GINS1: variants seen among roughly 807,000 people sequenced by gnomAD.
GINS1 encodes DNA replication complex GINS protein PSF1.
Under a neutral mutation model 34.9 loss-of-function variants are expected in GINS1, and 26 were observed. The observed-to-expected ratio is 0.74, with a 90% CI of 0.55 to 1.03. The LOEUF is 1.03. Ranked by LOEUF, GINS1 falls within the 50% of genes least tolerant of loss-of-function variation. GINS1 has a pLI of 0.00. For missense variants in GINS1, 235 were observed against 237.9 expected (o/e 0.99, Z 0.08); for synonymous variants, 97 against 84.4 (o/e 1.15, Z -0.82).
intron 2 of GINS1, 75 bp downstream of exon 2, chr20:25,413,929 C>A (rs1299561327): frequency 2.4e-6 from 2 of 838,868 alleles, no homozygotes; most frequent in Non-Finnish European, 4.1e-6. Flanking sequence ...CGGTGGCTCA[C>A]GCCTGTAATC....
rs2090514582 is a variant in GINS1 at position 25,446,729 on chromosome 20, T to G, written c.*738T>G. ...GGGGTGATCACCAGTATCACCACTT[T>G]GGAAGGGGACAGTGAAATTGGGGCT... On this transcript the variant is annotated 3_prime_UTR_variant, in exon 7 of 7. Coordinates refer to ENST00000262460, the MANE Select transcript of GINS1 (RefSeq NM_021067.5). The G allele has an allele frequency of 6.6e-6, 1 of 152,236 alleles. No homozygotes were observed. The highest frequency in any genetic ancestry group is 6.5e-5 in the Admixed American group (1 of 15,282). 9.4% of individuals were successfully genotyped at this position (152,236 alleles called of 1,614,324 possible). A position where few individuals can be genotyped will look rare whatever the true frequency, so the allele number is the denominator to read the frequency against.
intron 2 of GINS1, among the ~76,000 whole-genome samples, chr20:25,415,050 A>T (rs369675207): frequency 6.6e-6 from 1 of 152,238 alleles, no homozygotes; most frequent in Non-Finnish European, 1.5e-5. Context: ...TGAAGTATTC[A>T]GGGTCTCAAC....
chr20:25,420,808 A>C, intron 4 of GINS1: 1 of 937,904 alleles, frequency 1.1e-6, no homozygotes, highest in Non-Finnish European at 1.3e-6. Flanking sequence ...AAAAAAAGAA[A>C]AAGAATAAAA....
At chr20:25,413,070 T>TC (rs1360351334) in intron 1 of GINS1, among the ~76,000 whole-genome samples, 1 of 152,118 alleles carries the variant, frequency 6.6e-6, no homozygotes. Flanking sequence ...TTTTTTTTTT[T>TC]TTCTTTGAGA....
chr20:25,413,735 G>A (rs2090302005), intron 1 of GINS1, 55 bp from the exon 2 acceptor site: 13 of 978,996 alleles, frequency 1.3e-5, no homozygotes, highest in Non-Finnish European at 2.2e-5. Context: ...ATAGCATATT[G>A]CCACAGAATT....
intron 6 of GINS1, among the ~76,000 whole-genome samples, chr20:25,444,072 C>T (rs6132833): frequency 4.0e-5 from 6 of 151,166 alleles, no homozygotes; most frequent in Non-Finnish European, 8.8e-5. Flanking sequence ...AGTGCAGTGG[C>T]GTGATCTTGG....
In GINS1 at chr20:25,416,059, G is replaced by A. The variant is rs2090318665; in HGVS notation, c.141-1045G>A. Among the ~76,000 whole-genome samples the A allele has an allele frequency of 2.0e-5, 3 of 152,306 alleles. No homozygotes were observed. The South Asian group carries it at 6.2e-4, about 32-fold the overall frequency. On this transcript the variant is annotated intron_variant, in intron 2 of 6. Coordinates refer to ENST00000262460, the MANE Select transcript of GINS1 (RefSeq NM_021067.5). ...GGCTGGAGTTTGGCAAGTGGCAAAG[G>A]ATGACACCAGATGAGGTGTAAGTGT... is the stretch of plus-strand genomic sequence containing the variant.
rs987786972 is a variant in GINS1, at chr20:25,421,138, C to T, written c.330+2943C>T. 2.4e-5 allele frequency: 4 copies of T among 163,456 alleles called. No homozygotes were observed. In the Admixed American group the frequency reaches 2.6e-4, roughly 11 times the overall value. The allele number at this position is 163,456 out of a possible 1,614,324, so 10.1% of individuals were successfully genotyped here. A position where few individuals can be genotyped will look rare whatever the true frequency, so the allele number is the denominator to read the frequency against. ...GATCCCTGCCTTGTTAACTCTGAGC[C>T]CTTTGGTAAATTATCTAATCTCTCA... On this transcript the variant is annotated intron_variant, in intron 4 of 6. Transcript: ENST00000262460.
At chr20:25,422,448 A>G (rs566073872) in intron 4 of GINS1, among the ~76,000 whole-genome samples, 1 of 151,976 alleles carries the variant, frequency 6.6e-6, no homozygotes, top group East Asian at 1.9e-4. Flanking sequence ...AAACTTAGCT[A>G]AGTGTGGTGG....
chr20:25,428,733 C>T (rs1465361462), intron 5 of GINS1, among the ~76,000 whole-genome samples: 1 of 151,934 alleles, frequency 6.6e-6, no homozygotes, highest in Non-Finnish European at 1.5e-5. Context: ...TAAGACTGCC[C>T]TTTCCCCATT....
intron 1 of GINS1, chr20:25,411,415 C>T (rs562232044): frequency 6.6e-6 from 1 of 152,216 alleles, no homozygotes; most frequent in East Asian, 1.9e-4. Flanking sequence ...GCATTTTTGC[C>T]AACACATATA....
At chr20:25,432,164 G>T (rs754004034) in intron 5 of GINS1, among the ~76,000 whole-genome samples, 12 of 151,972 alleles carry the variant, frequency 7.9e-5, no homozygotes, top group Admixed American at 3.3e-4. Flanking sequence ...GAGCCACCGC[G>T]CCTGGCCATG....
At chr20:25,443,424 C>T (rs75775596) in intron 6 of GINS1, among the ~76,000 whole-genome samples, 1,678 of 150,234 alleles carry the variant, frequency 0.011, 29 homozygotes, top group African/African-American at 0.036. Flanking sequence ...CCTCATAAAG[C>T]AAGATATGTG....
intron 2 of GINS1, among the ~76,000 whole-genome samples, chr20:25,415,944 C>T (rs1274679459): frequency 6.6e-6 from 1 of 152,104 alleles, no homozygotes; most frequent in African/African-American, 2.4e-5. Flanking sequence ...ATAGAACATT[C>T]TAGGTGGAGG....
At chr20:25,433,271 T>C (rs1215733445) in intron 5 of GINS1, among the ~76,000 whole-genome samples, 1 of 152,192 alleles carries the variant, frequency 6.6e-6, no homozygotes, top group African/African-American at 2.4e-5. Flanking sequence ...ATAACTTTTT[T>C]GTCTCTCATT....
chr20:25,448,391 T>C lies in GINS1; in HGVS notation c.*2400T>C, dbSNP rs2090524469. 1 of 152,210 alleles carries C rather than the reference T, an allele frequency of 6.6e-6. No homozygotes were observed. The highest frequency in any genetic ancestry group is 2.4e-5 in the African/African-American group (1 of 41,442). The allele number at this position is 152,210 out of a possible 1,614,324, so 9.4% of individuals were successfully genotyped here. Reference sequence around the variant, plus strand: ...AGCATTTCATAGTTTTGATGCTAAATGGTATTTTAAAATTTCAAATTCTAA... The same window carrying C: ...AGCATTTCATAGTTTTGATGCTAAACGGTATTTTAAAATTTCAAATTCTAA... On this transcript the variant is annotated 3_prime_UTR_variant, in exon 7 of 7. Coordinates refer to ENST00000262460, the MANE Select transcript of GINS1 (RefSeq NM_021067.5).
intron 2 of GINS1, among the ~76,000 whole-genome samples, chr20:25,414,593 A>T (rs904598019): frequency 1.3e-5 from 2 of 152,146 alleles, no homozygotes; most frequent in African/African-American, 4.8e-5. Flanking sequence ...TTAGCTACTC[A>T]GCAGGGTAAG....
At chr20:25,428,397 CTTTTTTTTTTTTT>C (rs544831869) in intron 5 of GINS1, among the ~76,000 whole-genome samples, 3 of 66,582 alleles carry the variant, frequency 4.5e-5, no homozygotes, top group South Asian at 6.5e-4. Context: ...AGCATAATTT[CTTTTTTTTTTTTT>C]TTTTTTTTTT....
intron 3 of GINS1, 41 bp downstream of exon 3, chr20:25,417,243 G>C: frequency 1.1e-6 from 1 of 920,974 alleles, no homozygotes; most frequent in African/African-American, 1.6e-5. Flanking sequence ...AGGATTTTCT[G>C]TGTGGCTTCC....
Sources: allele counts gnomAD v4.1 joint callset (sites outside exome capture counted in the v4.1 genomes callset), GRCh38; gene constraint gnomAD v4.1.1; transcripts MANE v1.5; gene names NCBI Gene and HGNC (gene_info 2026-07-23, HGNC 2026-07-21).